The following PCDHA10 variants were observed in gnomAD, a reference collection of about 807,000 sequenced individuals.
PCDHA10 encodes protocadherin alpha-10.
Under a neutral mutation model 61.2 loss-of-function variants are expected in PCDHA10, and 45 were observed. That is an observed-to-expected ratio of 0.74 (90% CI 0.58 to 0.94). The LOEUF is 0.94. Among genes scored for constraint, PCDHA10 ranks in the 40% least tolerant of loss-of-function variants. The pLI, the probability that PCDHA10 is intolerant of heterozygous loss-of-function variation, is 0.00. For synonymous variants in PCDHA10, 602 were observed against 548.8 expected, an observed-to-expected ratio of 1.10 and a Z score of -1.35; for missense variants, 1,278 against 1,236.2, an observed-to-expected ratio of 1.03 and a Z score of -0.51.
intron 3 of PCDHA10, among the ~76,000 whole-genome samples, chr5:141,000,999 A>G (rs1315543518): frequency 6.6e-6 from 1 of 152,234 alleles, no homozygotes; most frequent in Non-Finnish European, 1.5e-5. Context: ...TATGCTTTAA[A>G]TATGTATTTA....
Position 140,883,339 on chromosome 5 carries a change from C to A in PCDHA10, c.2388+24903C>A, listed in dbSNP as rs142984869. 95 of 1,614,172 alleles carry A rather than the reference C, an allele frequency of 5.9e-5. No individual in the cohort carries two copies. The African/African-American group carries it at 1.1e-3, about 19-fold the overall frequency. ...AGGTTACCATCACTTCTTTGTCACTCCCCATCAGAGAAGACACTCAGCCTA... is the reference window on the plus strand; with the variant it reads ...AGGTTACCATCACTTCTTTGTCACTACCCATCAGAGAAGACACTCAGCCTA... On this transcript the variant is annotated intron_variant, in intron 1 of 3. Coordinates refer to ENST00000307360, the MANE Select transcript of PCDHA10 (RefSeq NM_018901.4).
At position 140,856,925 on chromosome 5, in the gene PCDHA10, T is replaced by G; in HGVS notation, c.877T>G (p.Trp293Gly). Residue 293 changes from tryptophan to glycine, a missense_variant, in exon 1 of 4, where the codon TGG (tryptophan) becomes GGG (glycine). Trp to Gly is a radical substitution (Grantham distance 184, BLOSUM62 -2). Coordinates refer to ENST00000307360, the MANE Select transcript of PCDHA10 (RefSeq NM_018901.4). Reference protein sequence around the residue: ...LVPPTIRRKFWINERTGEIKV... With the variant: ...LVPPTIRRKFGINERTGEIKV... ...CCCACCCACGATAAGAAGGAAATTT[T>G]GGATAAACGAAAGGACGGGAGAAAT... 1 of 1,595,180 alleles carries G rather than the reference T, an allele frequency of 6.3e-7. No homozygotes were observed. The highest frequency in any genetic ancestry group is 8.6e-7 in the Non-Finnish European group (1 of 1,165,072).
At position 140,857,630 on chromosome 5, in the gene PCDHA10, G is replaced by A. The variant is rs1554150395; in HGVS notation, c.1582G>A (p.Glu528Lys). ...ALQPLDHEEL[E>K]LLQFQVSARD... ...GCAGCCGCTGGACCACGAGGAGCTG[G>A]AGCTGCTACAGTTCCAGGTGAGCGC... Residue 528 changes from glutamate to lysine, a missense_variant, in exon 1 of 4, where the codon GAG becomes AAG. Coordinates refer to ENST00000307360, the MANE Select transcript of PCDHA10 (RefSeq NM_018901.4). 1 of 1,596,610 alleles carries A rather than the reference G, an allele frequency of 6.3e-7. No homozygotes were observed. Among genetic ancestry groups the A allele is most frequent in the African/African-American group, 1.3e-5 (1 of 74,434 alleles).
intron 1 of PCDHA10, among the ~76,000 whole-genome samples, chr5:140,923,629 G>A (rs1350871926): frequency 6.6e-6 from 1 of 152,138 alleles, no homozygotes; most frequent in Non-Finnish European, 1.5e-5. Flanking sequence ...TTATCCAAAA[G>A]GCAAAAATCT....
At chr5:140,892,265 T>A (rs1285445395) in intron 1 of PCDHA10, among the ~76,000 whole-genome samples, 3 of 152,240 alleles carry the variant, frequency 2.0e-5, no homozygotes, top group African/African-American at 7.2e-5. Context: ...GATTTTGTGC[T>A]GAAAGTTGTA....
chr5:140,915,209 AG>A lies in PCDHA10; in HGVS notation c.2388+56774del, dbSNP rs2077027084. On this transcript the variant is annotated intron_variant, in intron 1 of 3. Coordinates refer to ENST00000307360, the MANE Select transcript of PCDHA10 (RefSeq NM_018901.4). ...TGATCCGCCCATCTTGGCCTCCCAAAGTGCTGGGATTACAGGCATGAGCCAC... is the reference window on the plus strand; with the variant it reads ...TGATCCGCCCATCTTGGCCTCCCAAATGCTGGGATTACAGGCATGAGCCAC... 2.6e-5 allele frequency among the ~76,000 whole-genome samples: 4 copies of A among 152,034 alleles called. No individual in the cohort carries two copies. The South Asian group carries it at 8.3e-4, about 32-fold the overall frequency.
chr5:140,892,237 A>G (rs1288947116), intron 1 of PCDHA10, among the ~76,000 whole-genome samples: 13 of 152,180 alleles, frequency 8.5e-5, no homozygotes, highest in Non-Finnish European at 7.4e-5. Context: ...TTGTCTCCAC[A>G]TAAACCTGGT....
At chr5:140,927,505 G>T (rs782722913) in intron 1 of PCDHA10, 1 of 1,614,120 alleles carries the variant, frequency 6.2e-7, no homozygotes, top group East Asian at 2.2e-5. Flanking sequence ...GGTGCTTACA[G>T]CTCGGGACGG....
chr5:140,925,106 G>GAA (rs1554202543), intron 1 of PCDHA10, among the ~76,000 whole-genome samples: 1 of 151,098 alleles, frequency 6.6e-6, no homozygotes, highest in African/African-American at 2.4e-5. Flanking sequence ...AGGAAGGAAG[G>GAA]AGGGAAGGAA....
At chr5:141,007,706 C>T (rs1269578685) in intron 3 of PCDHA10, among the ~76,000 whole-genome samples, 1 of 152,218 alleles carries the variant, frequency 6.6e-6, no homozygotes, top group Non-Finnish European at 1.5e-5. Flanking sequence ...TCCTCTGCCT[C>T]CCACCACCAG....
chr5:140,895,257 T>A (rs1180344268), intron 1 of PCDHA10, among the ~76,000 whole-genome samples: 8 of 152,212 alleles, frequency 5.3e-5, no homozygotes, highest in Non-Finnish European at 8.8e-5. Context: ...AGCTTTCTTT[T>A]TTTTCTTACT....
Position 140,893,829 on chromosome 5 carries a change from A to G in PCDHA10, c.2388+35393A>G, listed in dbSNP as rs528174798. On this transcript the variant is annotated intron_variant, in intron 1 of 3. Transcript: ENST00000307360. ...TTGAGTCTGGTACCGTAGACTACTC[A>G]GCCATCCTGATGCCCTACCTCTTGT... Among the ~76,000 whole-genome samples the G allele has an allele frequency of 2.0e-5, 3 of 152,296 alleles. No homozygotes were observed. The South Asian group carries it at 6.2e-4, about 32-fold the overall frequency.
intron 1 of PCDHA10, among the ~76,000 whole-genome samples, chr5:140,954,172 T>C (rs1297030972): frequency 6.6e-6 from 1 of 152,246 alleles, no homozygotes; most frequent in Non-Finnish European, 1.5e-5. Flanking sequence ...ATTTTCTTTA[T>C]CCAGTCTATC....
chr5:140,871,873 A>G (rs529401892), intron 1 of PCDHA10, among the ~76,000 whole-genome samples: 44 of 152,336 alleles, frequency 2.9e-4, no homozygotes, highest in African/African-American at 1.0e-3. Flanking sequence ...GATTATTTAA[A>G]TTTGCTCCTC....
rs563698448 is a variant in PCDHA10 at position 140,899,116 on chromosome 5, T to G, written c.2388+40680T>G. On this transcript the variant is annotated intron_variant, in intron 1 of 3. Transcript: ENST00000307360. ...CTGAGATAATGGGGTTTTCTAGATA[T>G]ACAATCATGTCTTCTGCAAACAGGG... 5.8e-3 allele frequency among the ~76,000 whole-genome samples: 880 copies of G among 152,244 alleles called. 11 individuals are homozygous for G. Among genetic ancestry groups the G allele is most frequent in the African/African-American group, 0.019 (802 of 41,486 alleles).
At chr5:140,870,618 C>A in intron 1 of PCDHA10, 1 of 1,613,174 alleles carries the variant, frequency 6.2e-7, no homozygotes, top group Non-Finnish European at 8.5e-7. Context: ...CGCTGTCGAG[C>A]TACGTGTCGG....
intron 3 of PCDHA10, among the ~76,000 whole-genome samples, chr5:140,987,825 G>A (rs1181525478): frequency 1.3e-5 from 2 of 151,894 alleles, no homozygotes; most frequent in Admixed American, 1.3e-4. Flanking sequence ...GTTTCCTTAG[G>A]GGATTGCTTT....
chr5:140,874,556 C>CAAAA (rs2054997993), intron 1 of PCDHA10, among the ~76,000 whole-genome samples: 1 of 152,178 alleles, frequency 6.6e-6, no homozygotes, highest in African/African-American at 2.4e-5. Flanking sequence ...AGAGATCTTT[C>CAAAA]GCATTTTAGT....
intron 1 of PCDHA10, chr5:140,875,854 G>T: frequency 1.2e-6 from 2 of 1,614,160 alleles, no homozygotes; most frequent in East Asian, 4.5e-5. Flanking sequence ...GGACATTAAC[G>T]ACAACCCGCC....
Sources: gnomAD v4.1 joint callset for allele counts (sites outside exome capture counted in the v4.1 genomes callset) on GRCh38, gnomAD v4.1.1 for gene constraint, MANE v1.5 for transcripts, NCBI Gene and HGNC (gene_info 2026-07-23, HGNC 2026-07-21) for gene names.